SLC12A8: variants seen among roughly 807,000 people sequenced by gnomAD.
SLC12A8 encodes the protein solute carrier family 12 member 8, also known as cation-chloride cotransporter 9.
In SLC12A8, 69 loss-of-function variants were observed where a neutral mutation model predicts 75.6. That is an observed-to-expected ratio of 0.91 (90% CI 0.75 to 1.11). The LOEUF is 1.11. Ranked by LOEUF, SLC12A8 falls within the 50% of genes most tolerant of loss-of-function variation. The probability of loss-of-function intolerance (pLI) is 0.00; values close to 1 mark genes in which losing one functional copy is unlikely to be tolerated. For synonymous variants in SLC12A8, 365 were observed against 372.8 expected, an observed-to-expected ratio of 0.98 and a Z score of 0.24; for missense variants, 877 against 896.7, an observed-to-expected ratio of 0.98 and a Z score of 0.28.
intron 5 of SLC12A8, among the ~76,000 whole-genome samples, chr3:125,161,427 T>C (rs1934165020): frequency 6.6e-6 from 1 of 152,204 alleles, no homozygotes; most frequent in South Asian, 2.1e-4. Flanking sequence ...CGGTCTTGCT[T>C]TCTGGCCCCA....
intron 2 of SLC12A8, among the ~76,000 whole-genome samples, chr3:125,204,492 A>G (rs1015456716): frequency 2.0e-5 from 3 of 152,218 alleles, no homozygotes; most frequent in Non-Finnish European, 4.4e-5. Flanking sequence ...AAAGACAGAT[A>G]TCACATGTTC....
chr3:125,150,457 A>G (rs116207251), intron 5 of SLC12A8, among the ~76,000 whole-genome samples: 2,936 of 152,326 alleles, frequency 0.019, 40 homozygotes, highest in Middle Eastern at 0.037. Flanking sequence ...TAAATCCCAT[A>G]TACGTAGTAG....
chr3:125,202,917 G>A (rs1184259654), intron 2 of SLC12A8, among the ~76,000 whole-genome samples: 3 of 151,722 alleles, frequency 2.0e-5, no homozygotes, highest in Non-Finnish European at 2.9e-5. Flanking sequence ...GTGAAACCCC[G>A]TCTCTACTAA....
intron 10 of SLC12A8, among the ~76,000 whole-genome samples, chr3:125,103,161 G>A (rs1487903010): frequency 2.6e-5 from 4 of 152,092 alleles, no homozygotes; most frequent in Non-Finnish European, 5.9e-5. Flanking sequence ...GGAATTTGAA[G>A]GCAGGGAATT....
Position 125,135,748 on chromosome 3 carries a change from T to C in SLC12A8, c.657A>G (p.Leu219=), listed in dbSNP as rs1285583407. ...TGTAATCGGGCAGCGTGTTGTTCTG[T>C]AGCAGTTCGGGTGAATATCCAATGA... The part of the protein sequence containing the change: ...HGFIGYSPEL[L]QNNTLPDYSP... Residue 219 remains leucine, a synonymous_variant, in exon 6 of 14, where the codon CTA becomes CTG. Transcript: ENST00000469902. The C allele has an allele frequency of 3.7e-6, 6 of 1,608,186 alleles. No homozygotes were observed. In the East Asian group the frequency reaches 8.9e-5, roughly 24 times the overall value.
At chr3:125,180,064 C>T (rs1178801280) in intron 4 of SLC12A8, among the ~76,000 whole-genome samples, 2 of 152,004 alleles carry the variant, frequency 1.3e-5, no homozygotes, top group Non-Finnish European at 2.9e-5. Flanking sequence ...AATTTGCTCA[C>T]GCAATGTGAG....
chr3:125,105,492 A>G lies in SLC12A8; in HGVS notation c.1705+1989T>C, dbSNP rs188934679. Among the ~76,000 whole-genome samples, 196 of 152,356 alleles carry G rather than the reference A, an allele frequency of 1.3e-3. 1 individual carries two copies. Among genetic ancestry groups the G allele is most frequent in the Non-Finnish European group, 8.5e-4 (58 of 68,034 alleles). ...CAAAAAGGCATTTGACAGATCTGCCAGAGCATTTAAAGAAAAATGATGACA... is the reference window on the plus strand; with the variant it reads ...CAAAAAGGCATTTGACAGATCTGCCGGAGCATTTAAAGAAAAATGATGACA... On this transcript the variant is annotated intron_variant, in intron 10 of 13. Transcript: ENST00000469902.
intron 11 of SLC12A8, among the ~76,000 whole-genome samples, 173 bp downstream of exon 11, chr3:125,091,928 G>A (rs1938590043): frequency 2.0e-5 from 3 of 152,166 alleles, no homozygotes; most frequent in African/African-American, 7.2e-5. Context: ...AAAATAAGCA[G>A]TCATTAAATG....
At chr3:125,162,823 A>G (rs760261112) in intron 5 of SLC12A8, among the ~76,000 whole-genome samples, 1 of 152,218 alleles carries the variant, frequency 6.6e-6, no homozygotes, top group Non-Finnish European at 1.5e-5. Flanking sequence ...GGGCAGTAAG[A>G]GGAAGGATCC....
intron 10 of SLC12A8, among the ~76,000 whole-genome samples, chr3:125,096,045 A>G (rs1255330114): frequency 6.6e-6 from 1 of 151,642 alleles, no homozygotes; most frequent in South Asian, 2.1e-4. Flanking sequence ...TCCTCACTGG[A>G]CCCCTCTCAT....
chr3:125,180,789 A>G (rs1419107397), intron 4 of SLC12A8, among the ~76,000 whole-genome samples: 1 of 152,244 alleles, frequency 6.6e-6, no homozygotes, highest in Admixed American at 6.5e-5. Context: ...TTGATGCTAA[A>G]TAGATGATGG....
At chr3:125,118,501 C>T (rs1202792933) in intron 8 of SLC12A8, among the ~76,000 whole-genome samples, 1 of 152,108 alleles carries the variant, frequency 6.6e-6, no homozygotes, top group East Asian at 1.9e-4. Flanking sequence ...TGAGGGCATG[C>T]CCCTGTAGTC....
chr3:125,191,650 A>G (rs1209853510), intron 2 of SLC12A8, among the ~76,000 whole-genome samples: 1 of 152,238 alleles, frequency 6.6e-6, no homozygotes, highest in Non-Finnish European at 1.5e-5. Context: ...TGGCTCCTGA[A>G]TGGCTGAGAA....
intron 5 of SLC12A8, among the ~76,000 whole-genome samples, chr3:125,136,868 A>G (rs1933506660): frequency 6.6e-6 from 1 of 152,172 alleles, no homozygotes; most frequent in African/African-American, 2.4e-5. Flanking sequence ...TGGAATTTTA[A>G]GACACAAGTC....
chr3:125,208,643 G>A (rs948830529), intron 2 of SLC12A8, among the ~76,000 whole-genome samples: 1 of 151,618 alleles, frequency 6.6e-6, no homozygotes, highest in Non-Finnish European at 1.5e-5. Flanking sequence ...CAAAGTATTA[G>A]AGCCAGGACT....
chr3:125,208,779 CACACACACACACAG>C (rs1320103429), intron 2 of SLC12A8, among the ~76,000 whole-genome samples: 3 of 123,238 alleles, frequency 2.4e-5, no homozygotes, highest in East Asian at 2.1e-4. Context: ...CACACACACA[CACACACACACACAG>C]AGAGAGAGAG....
intron 2 of SLC12A8, among the ~76,000 whole-genome samples, chr3:125,201,220 A>G (rs949286752): frequency 2.0e-5 from 3 of 152,120 alleles, no homozygotes; most frequent in African/African-American, 4.8e-5. Flanking sequence ...CCTGGGAAAC[A>G]TAGTGAGACC....
rs1252527541 is a variant in SLC12A8, at chr3:125,092,104, C to T, written c.1800G>A (p.Leu600=). 3 of 1,609,298 alleles carry T rather than the reference C, an allele frequency of 1.9e-6. No individual in the cohort carries two copies. Among genetic ancestry groups the T allele is most frequent in the Non-Finnish European group, 2.6e-6 (3 of 1,176,146 alleles). The change falls in exon 11 of 14, where the codon TTG becomes TTA. Residue 600 remains leucine (L), a synonymous_variant. Coordinates refer to ENST00000469902, the MANE Select transcript of SLC12A8 (RefSeq NM_024628.6). Reference sequence around the variant, plus strand: ...AGATCAAGATGAAGTTACTCACCCCCAACAGGGAGACCCAGGGGTTGCACA... The same window carrying T: ...AGATCAAGATGAAGTTACTCACCCCTAACAGGGAGACCCAGGGGTTGCACA... ...THMCNPWVSL[L]GAVGSLLIMF...
chr3:125,088,242 C>T, intron 13 of SLC12A8, 68 bp downstream of exon 13: 2 of 1,517,492 alleles, frequency 1.3e-6, no homozygotes, highest in Non-Finnish European at 1.8e-6. Context: ...AGGAATGGGA[C>T]ACCCTTGGCA....
Sources: gnomAD v4.1 joint callset for allele counts (sites outside exome capture counted in the v4.1 genomes callset) on GRCh38, gnomAD v4.1.1 for gene constraint, MANE v1.5 for transcripts, NCBI Gene and HGNC (gene_info 2026-07-23, HGNC 2026-07-21) for gene names.